Variants in NTF3 observed in about 807,000 individuals in gnomAD.
The protein encoded by NTF3 is neurotrophin 3.
A neutral mutation model predicts 26.3 loss-of-function variants in NTF3; 8 were observed. The ratio of observed to expected loss-of-function variants is 0.30; its 90% CI spans 0.18 to 0.55. NTF3 has a LOEUF of 0.55. Among genes scored for constraint, NTF3 ranks in the 20% least tolerant of loss-of-function variants. The pLI is 0.93. For synonymous variants in NTF3, 154 were observed against 145.5 expected (o/e 1.06, Z -0.42); for missense variants, 276 against 352.9 (o/e 0.78, Z 1.75).
chr12:5,477,255 G>A (rs1940736121), intron 1 of NTF3, among the ~76,000 whole-genome samples: 1 of 152,270 alleles, frequency 6.6e-6, no homozygotes, highest in South Asian at 2.1e-4. Flanking sequence ...CTGAGCTATA[G>A]TATTGCCATG....
rs372181902 is a variant in NTF3, at chr12:5,482,386, G to A, written c.19-11808G>A. On this transcript the variant is annotated intron_variant, in intron 1 of 1. Coordinates refer to ENST00000423158, the MANE Select transcript of NTF3 (RefSeq NM_001102654.2). ...TGTGATACTGAGTGCCCGTGCCTTC[G>A]TCTTTCCCATGGTGCTGGGTCTTGG... Among the ~76,000 whole-genome samples the A allele has an allele frequency of 3.5e-4, 54 of 152,290 alleles. No individual in the cohort carries two copies. In the East Asian group the frequency reaches 5.8e-3, roughly 16 times the overall value.
At chr12:5,457,150 A>G (rs945194002) in intron 1 of NTF3, among the ~76,000 whole-genome samples, 2 of 152,254 alleles carry the variant, frequency 1.3e-5, no homozygotes, top group Non-Finnish European at 2.9e-5. Context: ...AGTCATGCAT[A>G]TTAGGATTTG....
chr12:5,475,594 G>A (rs1490760934), intron 1 of NTF3, among the ~76,000 whole-genome samples: 1 of 152,166 alleles, frequency 6.6e-6, no homozygotes, highest in Admixed American at 6.5e-5. Context: ...CAGCACTTTG[G>A]GAGGCTATGG....
At chr12:5,454,447 A>G (rs545328789) in intron 1 of NTF3, among the ~76,000 whole-genome samples, 1 of 152,338 alleles carries the variant, frequency 6.6e-6, no homozygotes, top group African/African-American at 2.4e-5. Context: ...CTAAGGGGTT[A>G]GGACTCCAGC....
At chr12:5,453,460 C>T (rs1186813069) in intron 1 of NTF3, among the ~76,000 whole-genome samples, 1 of 152,198 alleles carries the variant, frequency 6.6e-6, no homozygotes, top group Admixed American at 6.5e-5. Context: ...TTTCCCATCC[C>T]TGTTGGACTC....
chr12:5,432,556 TACACACACACACACACACACACACAC>T (rs57075143), intron 1 of NTF3, among the ~76,000 whole-genome samples: 10 of 123,996 alleles, frequency 8.1e-5, no homozygotes, highest in Non-Finnish European at 1.5e-4. Context: ...GCCACCCCGC[TACACACACACACACACACACACACAC>T]ACACACACAC....
chr12:5,438,559 A>T (rs1191250669), intron 1 of NTF3, among the ~76,000 whole-genome samples: 1 of 151,154 alleles, frequency 6.6e-6, no homozygotes, highest in Non-Finnish European at 1.5e-5. Context: ...GTTGAGCCCC[A>T]TTTTTTTTTG....
chr12:5,441,579 T>A (rs1291535600), intron 1 of NTF3, among the ~76,000 whole-genome samples: 1 of 152,206 alleles, frequency 6.6e-6, no homozygotes, highest in East Asian at 1.9e-4. Context: ...TGTGTTTAAT[T>A]TGCATTCCTA....
chr12:5,465,066 T>G (rs939232465), intron 1 of NTF3, among the ~76,000 whole-genome samples: 3 of 152,164 alleles, frequency 2.0e-5, no homozygotes, highest in African/African-American at 7.2e-5. Flanking sequence ...TGTTATCTCT[T>G]TATTTCCAGA....
intron 1 of NTF3, among the ~76,000 whole-genome samples, chr12:5,437,866 G>A (rs1940190078): frequency 6.6e-6 from 1 of 152,190 alleles, no homozygotes; most frequent in Non-Finnish European, 1.5e-5. Context: ...AGTAAGAGGA[G>A]AGCACAGGAT....
intron 1 of NTF3, among the ~76,000 whole-genome samples, chr12:5,440,640 C>T (rs542361068): frequency 4.6e-5 from 7 of 152,356 alleles, no homozygotes; most frequent in African/African-American, 1.7e-4. Context: ...CACCTGGCTA[C>T]CTTAAATAGC....
chr12:5,433,585 A>G lies in NTF3; in HGVS notation c.18+1243A>G, dbSNP rs1940128643. Among the ~76,000 whole-genome samples, 1 of 151,450 alleles carries G rather than the reference A, an allele frequency of 6.6e-6. No homozygotes were observed. On this transcript the variant is annotated intron_variant, in intron 1 of 1. Coordinates refer to ENST00000423158, the MANE Select transcript of NTF3 (RefSeq NM_001102654.2). This position sits in a 1 kb window ranked among gnomAD's most constrained non-coding sequence, Gnocchi z 4.6. The stretch of plus-strand genomic sequence containing the variant: ...TGCGTTCATTCGTCGTCTGCGCTTC[A>G]GATGCACGGCACTGAGACCCTTGCG...
chr12:5,455,533 A>AACACACACACACACACACACACAC (rs60429736), intron 1 of NTF3, among the ~76,000 whole-genome samples: 1 of 103,766 alleles, frequency 9.6e-6, no homozygotes, highest in African/African-American at 4.5e-5. Flanking sequence ...ACCCCTCCCC[A>AACACACACACACACACACACACAC]ACACACACAC....
chr12:5,432,240 C>G lies in NTF3; in HGVS notation c.-85C>G. On this transcript the variant is annotated 5_prime_UTR_variant, in exon 1 of 2. Coordinates refer to ENST00000423158, the MANE Select transcript of NTF3 (RefSeq NM_001102654.2). ...TTCCCCTGCTGGGTAGTGGCTGCGG[C>G]GGGGTGGGGGAGACTTTGAATGACC... 7.0e-7 allele frequency: 1 copy of G among 1,437,678 alleles called. No homozygotes were observed. The highest frequency in any genetic ancestry group is 9.8e-7 in the Non-Finnish European group (1 of 1,023,522). 89.1% of individuals were successfully genotyped at this position (1,437,678 alleles called of 1,614,324 possible).
At position 5,494,695 on chromosome 12, in the gene NTF3, G is replaced by A. The variant is rs1474799706; in HGVS notation, c.520G>A (p.Asp174Asn). ...TGACAGTGAGAGTCTGTGGGTGACC[G>A]ACAAGTCATCGGCCATCGACATTCG... is the stretch of plus-strand genomic sequence containing the variant. ...VCDSESLWVT[D>N]KSSAIDIRGH... Residue 174 changes from aspartate to asparagine, a missense_variant, in exon 2 of 2, where the codon GAC becomes AAC. Coordinates refer to ENST00000423158, the MANE Select transcript of NTF3 (RefSeq NM_001102654.2). This position sits in a 1 kb window ranked among gnomAD's most constrained non-coding sequence, Gnocchi z 8.3. The A allele has an allele frequency of 6.2e-7, 1 of 1,614,172 alleles. No individual in the cohort carries two copies. Among genetic ancestry groups the A allele is most frequent in the Non-Finnish European group, 8.5e-7 (1 of 1,180,036 alleles).
intron 1 of NTF3, among the ~76,000 whole-genome samples, chr12:5,459,754 G>T (rs994267284): frequency 3.3e-5 from 5 of 152,158 alleles, no homozygotes; most frequent in African/African-American, 1.2e-4. Context: ...ACCTTCGAGG[G>T]GCTGCGTTCC....
intron 1 of NTF3, among the ~76,000 whole-genome samples, chr12:5,451,880 AC>A (rs564470415): frequency 1.7e-4 from 26 of 152,170 alleles, no homozygotes; most frequent in African/African-American, 5.3e-4. Context: ...TTTTGTGAAG[AC>A]GGGCTCTCAC....
intron 1 of NTF3, among the ~76,000 whole-genome samples, chr12:5,437,331 G>T (rs1045847005): frequency 7.2e-5 from 11 of 152,190 alleles, no homozygotes; most frequent in Admixed American, 2.0e-4. Flanking sequence ...GATTGGAAGA[G>T]GTCACTGCTG....
chr12:5,470,368 CA>C (rs1276390993), intron 1 of NTF3, among the ~76,000 whole-genome samples: 1 of 152,234 alleles, frequency 6.6e-6, no homozygotes, highest in Non-Finnish European at 1.5e-5. Flanking sequence ...GTAACTGCCA[CA>C]AGCTCCAGGA....
Sources: allele counts gnomAD v4.1 joint callset (sites outside exome capture counted in the v4.1 genomes callset), GRCh38; gene constraint gnomAD v4.1.1; non-coding constraint Gnocchi (gnomAD v3.1); transcripts MANE v1.5; gene names NCBI Gene and HGNC (gene_info 2026-07-23, HGNC 2026-07-21).